RUFY4: variants seen among roughly 807,000 people sequenced by gnomAD.
RUFY4 encodes the protein RUN and FYVE domain-containing protein 4.
RUFY4 carries 73 observed loss-of-function variants against 69.0 expected under a neutral mutation model. The observed-to-expected ratio is 1.06, with a 90% CI of 0.88 to 1.29. The LOEUF (loss-of-function observed/expected upper bound fraction) is 1.29. Among genes scored for constraint, RUFY4 ranks in the 50% most tolerant of loss-of-function variants. The pLI, the probability that RUFY4 is intolerant of heterozygous loss-of-function variation, is 0.00. For missense variants in RUFY4, 770 were observed against 705.6 expected (o/e 1.09, Z -1.03); for synonymous variants, 287 against 271.8 (o/e 1.06, Z -0.55).
chr2:218,066,761 T>A (rs1404100940), upstream of RUFY4, among the ~76,000 whole-genome samples: 1 of 152,260 alleles, frequency 6.6e-6, no homozygotes, highest in Non-Finnish European at 1.5e-5. Flanking sequence ...AATGTCACCA[T>A]ATTCTGAAAT....
At chr2:218,064,011 G>A (rs545449090) in intron 3 of RUFY4, among the ~76,000 whole-genome samples, 3 of 152,250 alleles carry the variant, frequency 2.0e-5, no homozygotes, top group Non-Finnish European at 4.4e-5. Context: ...CAGCCCATCA[G>A]AGGCCAGAAG....
chr2:218,076,674 C>T, intron 8 of RUFY4, 141 bp downstream of exon 10: 1 of 1,373,990 alleles, frequency 7.3e-7, no homozygotes, highest in East Asian at 2.9e-5. Context: ...GATCTGAGGC[C>T]TGCAGGGCAT....
At chr2:218,053,759 A>G (rs1437444451) in intron 2 of RUFY4, among the ~76,000 whole-genome samples, 2 of 151,466 alleles carry the variant, frequency 1.3e-5, no homozygotes, top group Non-Finnish European at 2.9e-5. Flanking sequence ...CGGCCTCCCA[A>G]AGTGCTGGGA....
At chr2:218,072,377 G>T (rs1212116428) in exon 3 of RUFY4, 16 of 1,537,268 alleles carry the variant, frequency 1.0e-5, no homozygotes, top group Non-Finnish European at 1.3e-5. Context: ...GTTCTAGTTT[G>T]ACCAGAAAGA....
chr2:218,061,442 G>C (rs989354172), intron 3 of RUFY4: 1 of 213,456 alleles, frequency 4.7e-6, no homozygotes, highest in East Asian at 1.2e-4. Flanking sequence ...CTGGCCTATA[G>C]AAGAGAGAAG....
chr2:218,090,091 T>C (rs2106080665), exon 11 of RUFY4: 1 of 1,337,146 alleles, frequency 7.5e-7, no homozygotes, highest in South Asian at 1.3e-5. Context: ...GCCTCCCACC[T>C]GCCTGCCCAT....
intron 5 of RUFY4, 100 bp downstream of exon 7, chr2:218,073,486 C>A: frequency 3.6e-5 from 53 of 1,452,260 alleles, no homozygotes; most frequent in Non-Finnish European, 4.8e-5. Context: ...CCAGCCCCAT[C>A]TGTCTCTGCC....
At chr2:218,070,909 C>A (rs1471304170) in intron 2 of RUFY4, 50 bp downstream of exon 4, 8 of 1,393,994 alleles carry the variant, frequency 5.7e-6, no homozygotes, top group Non-Finnish European at 7.7e-6. Flanking sequence ...ACCCAGATAA[C>A]TGGTGGGACA....
Position 218,089,242 on chromosome 2 carries a change from C to T in RUFY4, c.1503-10C>T, listed in dbSNP as rs1023462202. 1 of 1,605,630 alleles carries T rather than the reference C, an allele frequency of 6.2e-7. No individual in the cohort carries two copies. The highest frequency in any genetic ancestry group is 1.3e-5 in the African/African-American group (1 of 74,658). On this transcript the variant is annotated splice_polypyrimidine_tract_variant and intron_variant, in intron 9 of 10. Transcript: ENST00000344321. ...CTGTCTGTGTCTCTCCACCTTCATC[C>T]CCCCATCAGAGAGAAGGACCGCCTG...
At chr2:218,060,248 G>C (rs936170505) in intron 3 of RUFY4, 1 of 1,249,992 alleles carries the variant, frequency 8.0e-7, no homozygotes, top group South Asian at 1.7e-5. Flanking sequence ...CACTGACACT[G>C]AGACCAAGAA....
rs968300943 is a variant in RUFY4, at chr2:218,060,500, A to G, written c.-1071+1819A>G. 11 of 1,314,238 alleles carry G rather than the reference A, an allele frequency of 8.4e-6. No individual in the cohort carries two copies. In the African/African-American group the frequency reaches 1.6e-4, roughly 19 times the overall value. The allele number at this position is 1,314,238 out of a possible 1,614,324, so 81.4% of individuals were successfully genotyped here. On this transcript the variant is annotated intron_variant and NMD_transcript_variant, in intron 3 of 13. Coordinates refer to the RUFY4 transcript ENST00000457754. The stretch of plus-strand genomic sequence containing the variant: ...AAGGCGTAGATGAGGGGATTGAGGT[A>G]GCTGTGAAGGATGCCCAGAATCTCA...
chr2:218,080,151 C>T (rs1021813002), intron 8 of RUFY4, among the ~76,000 whole-genome samples: 8 of 152,130 alleles, frequency 5.3e-5, no homozygotes, highest in African/African-American at 1.9e-4. Flanking sequence ...GAGGAGAGAG[C>T]GGCAGAGCCG....
At chr2:218,045,542 C>A (rs58939025) in intron 2 of RUFY4, among the ~76,000 whole-genome samples, 12,193 of 151,868 alleles carry the variant, frequency 0.08, 1,506 homozygotes, top group African/African-American at 0.27. Flanking sequence ...AAAAAACCAA[C>A]GTTTTAACAA....
intron 2 of RUFY4, among the ~76,000 whole-genome samples, chr2:218,036,108 C>A (rs115422833): frequency 1.3e-5 from 2 of 152,200 alleles, no homozygotes; most frequent in African/African-American, 4.8e-5. Flanking sequence ...TCTCTGTGCC[C>A]CAGGTTCCCC....
chr2:218,071,589 G>A (rs1207578240), intron 2 of RUFY4, among the ~76,000 whole-genome samples: 1 of 151,680 alleles, frequency 6.6e-6, no homozygotes, highest in Non-Finnish European at 1.5e-5. Flanking sequence ...GCCCCCATTT[G>A]GCCAACAGGT....
At chr2:218,072,408 C>G (rs374271135) in exon 3 of RUFY4, 409 of 1,537,396 alleles carry the variant, frequency 2.7e-4, no homozygotes, top group Non-Finnish European at 3.5e-4. Context: ...TTCCTGGGGC[C>G]TCGGAAGGAT....
intron 8 of RUFY4, among the ~76,000 whole-genome samples, chr2:218,078,530 G>A (rs550987895): frequency 9.2e-5 from 14 of 152,308 alleles, no homozygotes; most frequent in Middle Eastern, 3.4e-3. Context: ...GAGAGCCTGC[G>A]AGGTCATCGG....
At chr2:218,050,282 T>C (rs952060561) in intron 2 of RUFY4, among the ~76,000 whole-genome samples, 1 of 152,228 alleles carries the variant, frequency 6.6e-6, no homozygotes, top group African/African-American at 2.4e-5. Context: ...CACTCTCCAG[T>C]GTCCACATAT....
upstream of RUFY4, among the ~76,000 whole-genome samples, chr2:218,067,093 TC>T (rs138298549): frequency 0.023 from 3,532 of 152,304 alleles, 71 homozygotes; most frequent in Non-Finnish European, 0.037. Flanking sequence ...ATTTTCAACT[TC>T]CTCCCGCTCT....
Sources: gnomAD v4.1 joint callset for allele counts (sites outside exome capture counted in the v4.1 genomes callset) on GRCh38, gnomAD v4.1.1 for gene constraint, MANE v1.5 for transcripts, NCBI Gene and HGNC (gene_info 2026-07-23, HGNC 2026-07-21) for gene names.